Variants in PRICKLE1 observed in about 807,000 individuals in gnomAD.
PRICKLE1 encodes prickle planar cell polarity protein 1.
In PRICKLE1, 14 loss-of-function variants were observed where a neutral mutation model predicts 70.2. The observed-to-expected ratio is 0.20, with a 90% CI of 0.13 to 0.31. PRICKLE1 has a LOEUF of 0.31. PRICKLE1 is among the 10% of genes least tolerant of loss of function. The pLI is 1.00. For missense variants in PRICKLE1, 821 were observed against 1,026.2 expected (o/e 0.80, Z 2.73); for synonymous variants, 357 against 379.9 (o/e 0.94, Z 0.70).
intron 1 of PRICKLE1, among the ~76,000 whole-genome samples, chr12:42,502,483 T>A (rs1476745204): frequency 6.6e-6 from 1 of 150,506 alleles, no homozygotes; most frequent in African/African-American, 2.4e-5. Flanking sequence ...AATTTTTGTA[T>A]TTTTTTTGTA....
rs1938272549 is a variant in PRICKLE1, at chr12:42,470,373, A to G, written c.133-14T>C. The G allele has an allele frequency of 1.3e-6, 2 of 1,508,412 alleles. No homozygotes were observed. Among genetic ancestry groups the G allele is most frequent in the Non-Finnish European group, 1.8e-6 (2 of 1,083,810 alleles). The allele number at this position is 1,508,412 out of a possible 1,614,324, so 93.4% of individuals were successfully genotyped here. On this transcript the variant is annotated splice_polypyrimidine_tract_variant and intron_variant, in intron 2 of 7. Transcript: ENST00000345127. ...ATAGAGCTGGATCTGCAAAAGAGAC[A>G]GTGAGAATGGCATCAACATACAGAA...
chr12:42,504,144 T>C (rs1939364078), intron 1 of PRICKLE1, among the ~76,000 whole-genome samples: 2 of 152,046 alleles, frequency 1.3e-5, no homozygotes, highest in Non-Finnish European at 2.9e-5. Flanking sequence ...AAATTCTGTA[T>C]CATAAAACGT....
At chr12:42,517,554 C>T (rs140839348) in intron 1 of PRICKLE1, among the ~76,000 whole-genome samples, 3 of 151,946 alleles carry the variant, frequency 2.0e-5, no homozygotes, top group African/African-American at 4.8e-5. Context: ...CCTCGTGATC[C>T]GCCCATCTTG....
At chr12:42,526,558 T>TGTGGCTGAGAGTGCACATGGGGAAATTG in intron 1 of PRICKLE1, among the ~76,000 whole-genome samples, 1 of 152,066 alleles carries the variant, frequency 6.6e-6, no homozygotes, top group Non-Finnish European at 1.5e-5. Flanking sequence ...AGAGGTTCTG[T>TGTGGCTGAGAGTGCACATGGGGAAATTG]GTGGCTGAGA....
At chr12:42,470,481 C>T in intron 2 of PRICKLE1, 122 bp from the exon 3 acceptor site, 1 of 722,210 alleles carries the variant, frequency 1.4e-6, no homozygotes, top group Non-Finnish European at 2.5e-6. Flanking sequence ...ATGAGAAGAC[C>T]AGCTGAGCCA....
At chr12:42,492,504 C>T (rs1167806077) in intron 1 of PRICKLE1, among the ~76,000 whole-genome samples, 1 of 152,190 alleles carries the variant, frequency 6.6e-6, no homozygotes, top group East Asian at 1.9e-4. Context: ...CCAGAAGCCT[C>T]CTGGAAGAAG....
At chr12:42,578,274 T>A (rs371279502) in intron 1 of PRICKLE1, among the ~76,000 whole-genome samples, 89 of 152,190 alleles carry the variant, frequency 5.8e-4, no homozygotes, top group African/African-American at 2.1e-3. Flanking sequence ...GGATTAGCTT[T>A]TCACCCCTGG....
At chr12:42,572,483 TG>T (rs1940734677) in intron 1 of PRICKLE1, among the ~76,000 whole-genome samples, 1 of 151,770 alleles carries the variant, frequency 6.6e-6, no homozygotes, top group Non-Finnish European at 1.5e-5. Flanking sequence ...TAAAAATACT[TG>T]TTTTTAAAAT....
At chr12:42,546,443 A>C (rs912544534) in intron 1 of PRICKLE1, among the ~76,000 whole-genome samples, 3 of 152,232 alleles carry the variant, frequency 2.0e-5, no homozygotes, top group African/African-American at 7.2e-5. Flanking sequence ...GGGATATTTG[A>C]GGCAAACTGA....
intron 1 of PRICKLE1, among the ~76,000 whole-genome samples, chr12:42,575,856 C>A (rs759641947): frequency 2.6e-5 from 4 of 152,174 alleles, no homozygotes; most frequent in Admixed American, 6.5e-5. Flanking sequence ...TAAGACCTAG[C>A]TCAATAATCT....
intron 1 of PRICKLE1, among the ~76,000 whole-genome samples, chr12:42,525,395 G>T (rs1226049809): frequency 6.6e-6 from 1 of 152,196 alleles, no homozygotes; most frequent in Non-Finnish European, 1.5e-5. Flanking sequence ...CAAGGAGAGG[G>T]TCGAGGGAAC....
rs577815912 is a variant in PRICKLE1 at position 42,481,855 on chromosome 12, G to GTTTCACACACTCAAGGGGCA, written c.-48-9311_-48-9292dup. Among the ~76,000 whole-genome samples the GTTTCACACACTCAAGGGGCA allele has an allele frequency of 9.6e-3, 1,462 of 152,154 alleles. 11 individuals carry two copies. The highest frequency in any genetic ancestry group is 0.014 in the Non-Finnish European group (981 of 68,012). On this transcript the variant is annotated intron_variant, in intron 1 of 7. Transcript: ENST00000345127. ...ACACTAAACTGTCATTTCTTTAAAGGTTTCACACACTCAAGGGGCATTCAG... is the reference window on the plus strand; with the variant it reads ...ACACTAAACTGTCATTTCTTTAAAGGTTTCACACACTCAAGGGGCATTTCACACACTCAAGGGGCATTCAG...
At chr12:42,505,959 A>T (rs189547962) in intron 1 of PRICKLE1, among the ~76,000 whole-genome samples, 1 of 152,246 alleles carries the variant, frequency 6.6e-6, no homozygotes, top group African/African-American at 2.4e-5. Context: ...GTCTACAGAC[A>T]TCATTCACTT....
intron 1 of PRICKLE1, among the ~76,000 whole-genome samples, chr12:42,478,847 T>C (rs1223563161): frequency 6.6e-6 from 1 of 152,122 alleles, no homozygotes; most frequent in Middle Eastern, 3.4e-3. Flanking sequence ...AATAGTTAAA[T>C]AGCTATTTCT....
chr12:42,528,795 TCA>T (rs1418243158), intron 1 of PRICKLE1, among the ~76,000 whole-genome samples: 2 of 152,168 alleles, frequency 1.3e-5, no homozygotes, highest in African/African-American at 4.8e-5. Context: ...AGAAAAATAA[TCA>T]CATATATAAC....
At chr12:42,482,363 G>A (rs930851953) in intron 1 of PRICKLE1, among the ~76,000 whole-genome samples, 1 of 152,260 alleles carries the variant, frequency 6.6e-6, no homozygotes, top group Admixed American at 6.5e-5. Context: ...GCATGCCATG[G>A]AATGAGGGGC....
chr12:42,464,812 A>G lies in PRICKLE1; in HGVS notation c.1222T>C (p.Trp408Arg), dbSNP rs376384105. The change falls in exon 7 of 8, where the codon TGG (tryptophan) becomes CGG (arginine). Residue 408 changes from tryptophan (W) to arginine (R), a missense_variant. Physicochemically the swap from Trp to Arg is moderately radical, Grantham distance 101 (BLOSUM62 -3). Coordinates refer to ENST00000345127, the MANE Select transcript of PRICKLE1 (RefSeq NM_153026.3). This position sits in a 1 kb window ranked among gnomAD's most constrained non-coding sequence, Gnocchi z 4.2. ...GTCATATAATCTTCATGATCAGCCC[A>G]TTCTTCAGGGTCTTCTGGAGTTTCC... is the stretch of plus-strand genomic sequence containing the variant. ...EQETPEDPEE[W>R]ADHEDYMTQL... 2.3e-4 allele frequency: 376 copies of G among 1,613,942 alleles called. No homozygotes were observed. Among genetic ancestry groups the G allele is most frequent in the Admixed American group, 3.7e-4 (22 of 59,982 alleles).
At chr12:42,507,347 A>G (rs1316403545) in intron 1 of PRICKLE1, among the ~76,000 whole-genome samples, 2 of 152,226 alleles carry the variant, frequency 1.3e-5, no homozygotes, top group African/African-American at 4.8e-5. Context: ...CAGAAAAACA[A>G]TTAAAACAAT....
At position 42,513,495 on chromosome 12, in the gene PRICKLE1, C is replaced by T. The variant is rs75654474; in HGVS notation, c.-48-40931G>A. Among the ~76,000 whole-genome samples the T allele has an allele frequency of 5.1e-3, 776 of 151,986 alleles. 4 individuals carry two copies. The highest frequency in any genetic ancestry group is 0.018 in the African/African-American group (736 of 41,432). On this transcript the variant is annotated intron_variant, in intron 1 of 7. Coordinates refer to ENST00000345127, the MANE Select transcript of PRICKLE1 (RefSeq NM_153026.3). ...TGAATCCAGGAGTTCTAGGCTGCAG[C>T]GTGCTATGATAATGCCCGTGAATAG...
Sources: gnomAD v4.1 joint callset for allele counts (sites outside exome capture counted in the v4.1 genomes callset) on GRCh38, gnomAD v4.1.1 for gene constraint, Gnocchi (gnomAD v3.1) non-coding constraint, MANE v1.5 for transcripts, NCBI Gene and HGNC (gene_info 2026-07-23, HGNC 2026-07-21) for gene names.